Variants in ABHD2 observed in about 807,000 individuals in gnomAD.
ABHD2 encodes monoacylglycerol lipase ABHD2.
ABHD2 carries 20 observed loss-of-function variants against 48.1 expected under a neutral mutation model. The ratio of observed to expected loss-of-function variants is 0.42; its 90% CI spans 0.29 to 0.60. The LOEUF (loss-of-function observed/expected upper bound fraction) is 0.60, where lower values mean the gene tolerates loss of function less well. Ranked by LOEUF, ABHD2 falls within the 20% of genes least tolerant of loss-of-function variation. The pLI is 0.24. For missense variants in ABHD2, 405 were observed against 550.9 expected (o/e 0.74, Z 2.65); for synonymous variants, 209 against 214.2 (o/e 0.98, Z 0.21).
At chr15:89,072,569 G>C in the ABHD2 span, among the ~76,000 whole-genome samples, 3 of 146,782 alleles carry the variant, frequency 2.0e-5, no homozygotes, top group Non-Finnish European at 4.5e-5. Flanking sequence ...GGAGAGGAAG[G>C]GGAAGGGGAG....
At chr15:89,162,138 C>A (rs549920790) in intron 5 of ABHD2, among the ~76,000 whole-genome samples, 1 of 152,050 alleles carries the variant, frequency 6.6e-6, no homozygotes, top group East Asian at 1.9e-4. Context: ...TCTGAGGTAC[C>A]GGGGGTTACG....
intron 5 of ABHD2, among the ~76,000 whole-genome samples, chr15:89,170,913 C>A (rs1267321650): frequency 6.6e-6 from 1 of 152,060 alleles, no homozygotes; most frequent in African/African-American, 2.4e-5. Context: ...GTCAGGAGTT[C>A]AAGACCAGCC....
At chr15:89,125,186 G>T (rs2050112432) in intron 3 of ABHD2, among the ~76,000 whole-genome samples, 1 of 151,990 alleles carries the variant, frequency 6.6e-6, no homozygotes, top group African/African-American at 2.4e-5. Context: ...AACCTGTGAG[G>T]CAGAGGTTGC....
rs573585656 is a variant in ABHD2 at position 89,099,776 on chromosome 15, C to T, written c.-107+11213C>T. On this transcript the variant is annotated intron_variant, in intron 1 of 10. Transcript: ENST00000352732. ...AAACTAAGCTGGGCATGGTAGTGCACACCTGTGGTCCCAGCTACTCGGGAG... is the reference window on the plus strand; with the variant it reads ...AAACTAAGCTGGGCATGGTAGTGCATACCTGTGGTCCCAGCTACTCGGGAG... 3.3e-5 allele frequency among the ~76,000 whole-genome samples: 5 copies of T among 150,990 alleles called. No individual in the cohort carries two copies. The South Asian group carries it at 8.4e-4, about 25-fold the overall frequency.
chr15:89,064,203 T>C, the ABHD2 span, among the ~76,000 whole-genome samples: 1 of 148,402 alleles, frequency 6.7e-6, no homozygotes, highest in Non-Finnish European at 1.5e-5. Context: ...TATGTATTTA[T>C]ATATAACATT....
At chr15:89,048,908 A>ATTCTCCGTCCACC in the ABHD2 span, among the ~76,000 whole-genome samples, 6 of 122,456 alleles carry the variant, frequency 4.9e-5, no homozygotes, top group Non-Finnish European at 8.6e-5. Flanking sequence ...CGTCAAAGTC[A>ATTCTCCGTCCACC]TTTGTTCCGT....
chr15:89,056,908 C>CT, the ABHD2 span, among the ~76,000 whole-genome samples: 34,945 of 87,402 alleles, frequency 0.4, 7,230 homozygotes, highest in South Asian at 0.52. Flanking sequence ...TAAGTGATAC[C>CT]TTTTTTTTTT....
At chr15:89,055,826 G>C in the ABHD2 span, among the ~76,000 whole-genome samples, 1 of 152,042 alleles carries the variant, frequency 6.6e-6, no homozygotes, top group Non-Finnish European at 1.5e-5. Context: ...TGTGGCTAAG[G>C]GAAAATGTAG....
At chr15:89,062,589 C>T in the ABHD2 span, among the ~76,000 whole-genome samples, 44 of 151,984 alleles carry the variant, frequency 2.9e-4, no homozygotes, top group African/African-American at 1.0e-3. Context: ...GGTTTCACCA[C>T]GTTGCCCAGG....
intron 4 of ABHD2, among the ~76,000 whole-genome samples, chr15:89,153,201 C>T (rs1024948175): frequency 2.0e-5 from 3 of 152,204 alleles, no homozygotes; most frequent in Admixed American, 6.5e-5. Context: ...AAATCCATCA[C>T]GACTTCCTGC....
chr15:89,142,171 C>A (rs753396640), intron 3 of ABHD2, among the ~76,000 whole-genome samples: 27 of 152,202 alleles, frequency 1.8e-4, no homozygotes, highest in Admixed American at 2.6e-4. Flanking sequence ...ACTCCCTAGC[C>A]TCAGGATCCC....
In ABHD2 at chr15:89,155,323, T is replaced by C. The variant is rs1450731250; in HGVS notation, c.371-44T>C. On this transcript the variant is annotated intron_variant, in intron 4 of 10. Coordinates refer to ENST00000352732, the MANE Select transcript of ABHD2 (RefSeq NM_152924.5). The surrounding 1 kb of genome is among the most constrained non-coding windows in gnomAD (Gnocchi z 4.9). The stretch of plus-strand genomic sequence containing the variant: ...AGTGTAATTATGTCCATTTATCATG[T>C]CACATTTCTTGGATACATCAGGATC... The C allele has an allele frequency of 4.4e-6, 7 of 1,580,646 alleles. No individual in the cohort carries two copies. Among genetic ancestry groups the C allele is most frequent in the Non-Finnish European group, 6.1e-6 (7 of 1,154,272 alleles).
At chr15:89,170,080 C>CTTTTT (rs748983183) in intron 5 of ABHD2, among the ~76,000 whole-genome samples, 2,133 of 37,516 alleles carry the variant, frequency 0.057, 712 homozygotes, top group East Asian at 0.13. Context: ...AGATCAGATT[C>CTTTTT]TTTTTTTTTT....
rs1397286631 is a variant in ABHD2, at chr15:89,174,464, A to C, written c.539-1348A>C. ...CTCCAGGTGATTCTATGCACACTGC[A>C]GCTTAAGAACTGCATGGGGCTGTGC... On this transcript the variant is annotated intron_variant, in intron 5 of 10. Transcript: ENST00000352732. This position sits in a 1 kb window ranked among gnomAD's most constrained non-coding sequence, Gnocchi z 4.1. 6.6e-6 allele frequency among the ~76,000 whole-genome samples: 1 copy of C among 152,222 alleles called. No homozygotes were observed. The highest frequency in any genetic ancestry group is 1.5e-5 in the Non-Finnish European group (1 of 68,046).
Position 89,185,607 on chromosome 15 carries a change from A to AG in ABHD2, c.815+95dup, listed in dbSNP as rs2051194072. ...GAAAAGCCAGGACTCCTGTTCCTTC[A>AG]GGGGAAAAAAAAAAATGCAGGTGTG... On this transcript the variant is annotated intron_variant, in intron 7 of 10. Transcript: ENST00000352732. This position sits in a 1 kb window ranked among gnomAD's most constrained non-coding sequence, Gnocchi z 5.9. 2.7e-6 allele frequency: 3 copies of AG among 1,130,154 alleles called. No homozygotes were observed. The highest frequency in any genetic ancestry group is 1.3e-6 in the Non-Finnish European group (1 of 768,580). The allele number at this position is 1,130,154 out of a possible 1,614,324, so 70.0% of individuals were successfully genotyped here.
At chr15:89,055,323 C>CCT in the ABHD2 span, among the ~76,000 whole-genome samples, 1 of 124,796 alleles carries the variant, frequency 8.0e-6, no homozygotes, top group African/African-American at 3.0e-5. Context: ...ACACTAGTTT[C>CCT]TTTTTTTTTT....
In ABHD2 at chr15:89,137,575, C is replaced by T. The variant is rs1469906234; in HGVS notation, c.195-14102C>T. Among the ~76,000 whole-genome samples the T allele has an allele frequency of 6.6e-6, 1 of 152,168 alleles. No homozygotes were observed. Among genetic ancestry groups the T allele is most frequent in the Non-Finnish European group, 1.5e-5 (1 of 68,050 alleles). ...ACGGAAGAGGATTGCTCTTTTGTTT[C>T]CTCAGGCCACTTTTGGTCATTTCAG... On this transcript the variant is annotated intron_variant, in intron 3 of 10. Transcript: ENST00000352732. The surrounding 1 kb of genome is among the most constrained non-coding windows in gnomAD (Gnocchi z 4.8).
rs755022027 is a variant in ABHD2, at chr15:89,167,184, A to G, written c.539-8628A>G. Reference sequence around the variant, plus strand: ...TGTTTTTACTGCTTAATATCTTACAATCTTCTATTAGATCATAAACATAGG... The same window carrying G: ...TGTTTTTACTGCTTAATATCTTACAGTCTTCTATTAGATCATAAACATAGG... On this transcript the variant is annotated intron_variant, in intron 5 of 10. Coordinates refer to ENST00000352732, the MANE Select transcript of ABHD2 (RefSeq NM_152924.5). The surrounding 1 kb of genome is among the most constrained non-coding windows in gnomAD (Gnocchi z 5.5). 3.9e-5 allele frequency among the ~76,000 whole-genome samples: 6 copies of G among 152,192 alleles called. No individual in the cohort carries two copies. Among genetic ancestry groups the G allele is most frequent in the African/African-American group, 9.7e-5 (4 of 41,446 alleles).
At chr15:89,086,017 A>G (rs564128886), upstream of ABHD2, among the ~76,000 whole-genome samples, 2 of 151,962 alleles carry the variant, frequency 1.3e-5, no homozygotes, top group Admixed American at 6.5e-5. Context: ...CCCCTCCAAA[A>G]CTAGTGACAA....
Sources: allele counts gnomAD v4.1 joint callset (sites outside exome capture counted in the v4.1 genomes callset), GRCh38; gene constraint gnomAD v4.1.1; non-coding constraint Gnocchi (gnomAD v3.1); transcripts MANE v1.5; gene names NCBI Gene and HGNC (gene_info 2026-07-23, HGNC 2026-07-21).